SH3RF3: variants seen among roughly 807,000 people sequenced by gnomAD.
The protein encoded by SH3RF3 is SH3 domain containing ring finger 3.
SH3RF3 carries 29 observed loss-of-function variants against 66.3 expected under a neutral mutation model. That is an observed-to-expected ratio of 0.44 (90% CI 0.33 to 0.60). SH3RF3 has a LOEUF of 0.60. Ranked by LOEUF, SH3RF3 falls within the 20% of genes least tolerant of loss-of-function variation. The probability of loss-of-function intolerance (pLI) is 0.04; values close to 1 mark genes in which losing one functional copy is unlikely to be tolerated. For missense variants in SH3RF3, 1,194 were observed against 1,190.9 expected, an observed-to-expected ratio of 1.00 and a Z score of -0.04; for synonymous variants, 583 against 532.0, an observed-to-expected ratio of 1.10 and a Z score of -1.32.
intron 1 of SH3RF3, among the ~76,000 whole-genome samples, chr2:109,198,812 C>T (rs1175777993): frequency 6.6e-6 from 1 of 152,192 alleles, no homozygotes; most frequent in Non-Finnish European, 1.5e-5. Context: ...ACCTAGGCTA[C>T]GTGGCACAGC....
chr2:109,361,508 C>CT (rs2105627980), intron 2 of SH3RF3, among the ~76,000 whole-genome samples: 1 of 152,292 alleles, frequency 6.6e-6, no homozygotes, highest in African/African-American at 2.4e-5. Context: ...GAGTCTCGCT[C>CT]TGTCACCCAG....
At chr2:109,300,319 A>G (rs964986231) in intron 1 of SH3RF3, among the ~76,000 whole-genome samples, 3 of 152,110 alleles carry the variant, frequency 2.0e-5, no homozygotes, top group African/African-American at 7.2e-5. Flanking sequence ...AGCTGGGACT[A>G]TAGTCGCACG....
intron 1 of SH3RF3, among the ~76,000 whole-genome samples, chr2:109,239,175 T>A (rs1679720751): frequency 6.6e-6 from 1 of 152,130 alleles, no homozygotes; most frequent in South Asian, 2.1e-4. Flanking sequence ...GACCTCTTTC[T>A]TCCCTGGGTG....
intron 2 of SH3RF3, among the ~76,000 whole-genome samples, chr2:109,361,478 C>T (rs1683050002): frequency 6.6e-6 from 1 of 151,940 alleles, no homozygotes; most frequent in African/African-American, 2.4e-5. Flanking sequence ...GTTGTTTATT[C>T]AGTTTCTTTT....
chr2:109,436,328 T>C (rs1012159962), intron 6 of SH3RF3, among the ~76,000 whole-genome samples: 8 of 152,276 alleles, frequency 5.3e-5, no homozygotes, highest in Non-Finnish European at 8.8e-5. Flanking sequence ...GTGTTCCTCT[T>C]GTGTGAGCTG....
intron 3 of SH3RF3, among the ~76,000 whole-genome samples, chr2:109,392,831 G>T (rs1408484218): frequency 6.6e-6 from 1 of 152,126 alleles, no homozygotes; most frequent in African/African-American, 2.4e-5. Flanking sequence ...CTTCTTACTA[G>T]CTTAGTCACT....
chr2:109,164,142 G>T (rs1427642146), intron 1 of SH3RF3, among the ~76,000 whole-genome samples: 2 of 151,842 alleles, frequency 1.3e-5, no homozygotes, highest in African/African-American at 4.8e-5. Flanking sequence ...AATTATTTTT[G>T]GTCCAGGAAA....
chr2:109,295,278 G>A (rs983264249), intron 1 of SH3RF3, among the ~76,000 whole-genome samples: 3 of 152,194 alleles, frequency 2.0e-5, no homozygotes, highest in Non-Finnish European at 4.4e-5. Flanking sequence ...GCTCCAGGAA[G>A]CAGGTGCTCT....
At chr2:109,130,527 G>A (rs1676666350) in intron 1 of SH3RF3, among the ~76,000 whole-genome samples, 1 of 152,190 alleles carries the variant, frequency 6.6e-6, no homozygotes, top group Non-Finnish European at 1.5e-5. Flanking sequence ...ACAGGGCTCT[G>A]ATGGCTGCTC....
intron 8 of SH3RF3, among the ~76,000 whole-genome samples, chr2:109,469,163 G>A (rs1043128221): frequency 6.6e-6 from 1 of 152,202 alleles, no homozygotes; most frequent in Non-Finnish European, 1.5e-5. Context: ...GCCCCCTGCA[G>A]CATTCCACAG....
intron 4 of SH3RF3, among the ~76,000 whole-genome samples, chr2:109,409,464 G>A (rs1676531197): frequency 6.6e-6 from 1 of 152,198 alleles, no homozygotes; most frequent in Non-Finnish European, 1.5e-5. Context: ...AGAACACTGG[G>A]CCAGATCCAA....
intron 1 of SH3RF3, among the ~76,000 whole-genome samples, chr2:109,319,943 G>A (rs535510702): frequency 6.0e-4 from 92 of 152,350 alleles, no homozygotes; most frequent in African/African-American, 2.0e-3. Context: ...CAAGGTGAAC[G>A]AGCTGCTGTG....
chr2:109,439,870 A>G (rs1203434202), intron 7 of SH3RF3, among the ~76,000 whole-genome samples: 1 of 152,154 alleles, frequency 6.6e-6, no homozygotes, highest in Non-Finnish European at 1.5e-5. Context: ...GGGTTTGCTA[A>G]AGGGCTGCAA....
chr2:109,449,618 T>A, intron 8 of SH3RF3, 129 bp downstream of exon 8: 1 of 1,221,266 alleles, frequency 8.2e-7, no homozygotes, highest in Non-Finnish European at 1.1e-6. Flanking sequence ...TGCCCCTAGA[T>A]GAACCAGGCG....
At chr2:109,298,265 C>G (rs914236714) in intron 1 of SH3RF3, among the ~76,000 whole-genome samples, 1 of 151,976 alleles carries the variant, frequency 6.6e-6, no homozygotes, top group African/African-American at 2.4e-5. Flanking sequence ...GCTATGTCCC[C>G]GAGGAGCAGA....
At chr2:109,283,310 G>T (rs1273733141) in intron 1 of SH3RF3, among the ~76,000 whole-genome samples, 2 of 152,202 alleles carry the variant, frequency 1.3e-5, no homozygotes, top group Non-Finnish European at 1.5e-5. Context: ...TTGTGGGCCT[G>T]CTGGACACCT....
At chr2:109,303,165 C>G (rs564523510) in intron 1 of SH3RF3, among the ~76,000 whole-genome samples, 2 of 152,310 alleles carry the variant, frequency 1.3e-5, no homozygotes, top group African/African-American at 4.8e-5. Flanking sequence ...CGTGAGCCAC[C>G]GCGCCCGGCC....
intron 1 of SH3RF3, among the ~76,000 whole-genome samples, chr2:109,250,293 A>G (rs1426936838): frequency 6.6e-6 from 1 of 151,998 alleles, no homozygotes; most frequent in African/African-American, 2.4e-5. Context: ...CATCTCGCCC[A>G]TTGCTGGTTG....
At chr2:109,474,400 C>A (rs1389687127) in intron 8 of SH3RF3, among the ~76,000 whole-genome samples, 1 of 152,152 alleles carries the variant, frequency 6.6e-6, no homozygotes, top group Non-Finnish European at 1.5e-5. Context: ...AAGCTCTCCC[C>A]CTAACAGAGA....
Sources: allele counts gnomAD v4.1 joint callset (sites outside exome capture counted in the v4.1 genomes callset), GRCh38; gene constraint gnomAD v4.1.1; transcripts MANE v1.5; gene names NCBI Gene and HGNC (gene_info 2026-07-23, HGNC 2026-07-21).